TMEM131: variants seen among roughly 807,000 people sequenced by gnomAD.
The protein encoded by TMEM131 is 2610524E03Rik.
In TMEM131, 66 loss-of-function variants were observed where a neutral mutation model predicts 211.6. The ratio of observed to expected loss-of-function variants is 0.31; its 90% CI spans 0.26 to 0.38. The LOEUF is 0.38. Among genes scored for constraint, TMEM131 ranks in the 10% least tolerant of loss-of-function variants. The pLI, the probability that TMEM131 is intolerant of heterozygous loss-of-function variation, is 1.00. For synonymous variants in TMEM131, 844 were observed against 841.3 expected (o/e 1.00, Z -0.06); for missense variants, 2,036 against 2,299.3 (o/e 0.89, Z 2.34).
In TMEM131 at chr2:97,968,623, T is replaced by C. The variant is rs559438021; in HGVS notation, c.187+26853A>G. On this transcript the variant is annotated intron_variant, in intron 1 of 40. Transcript: ENST00000186436. The stretch of plus-strand genomic sequence containing the variant: ...ATGCCAAGCAGTGCTGACATGTTTG[T>C]AGGGAAGCCTGCACAAAGCAAGAGT... Among the ~76,000 whole-genome samples, 53 of 152,290 alleles carry C rather than the reference T, an allele frequency of 3.5e-4. 1 individual carries two copies. The highest frequency in any genetic ancestry group is 1.2e-3 in the African/African-American group (51 of 41,562).
intron 4 of TMEM131, among the ~76,000 whole-genome samples, chr2:97,868,077 T>TATTCGGA (rs1318438746): frequency 6.6e-6 from 1 of 152,238 alleles, no homozygotes; most frequent in East Asian, 1.9e-4. Flanking sequence ...TTGCTTCAAG[T>TATTCGGA]ATTCGGAAGC....
At chr2:97,807,079 T>C (rs1370607026) in intron 19 of TMEM131, among the ~76,000 whole-genome samples, 3 of 152,236 alleles carry the variant, frequency 2.0e-5, no homozygotes, top group Admixed American at 6.5e-5. Context: ...TATTAAGCTA[T>C]GAGTTACATG....
At chr2:97,888,772 G>A (rs1294034264) in intron 3 of TMEM131, among the ~76,000 whole-genome samples, 1 of 152,164 alleles carries the variant, frequency 6.6e-6, no homozygotes, top group Non-Finnish European at 1.5e-5. Context: ...AATGACTTTT[G>A]GTGGGGTAGG....
intron 2 of TMEM131, among the ~76,000 whole-genome samples, chr2:97,914,302 T>C (rs1434048160): frequency 2.0e-5 from 3 of 152,222 alleles, no homozygotes; most frequent in African/African-American, 4.8e-5. Context: ...CCCCACTGTA[T>C]CATTCTGCAA....
At chr2:97,969,580 T>C (rs1321690631) in intron 1 of TMEM131, among the ~76,000 whole-genome samples, 1 of 152,244 alleles carries the variant, frequency 6.6e-6, no homozygotes, top group Non-Finnish European at 1.5e-5. Context: ...CTAACATTTG[T>C]CTTCCCAGGC....
chr2:97,820,788 G>A (rs955441145), intron 11 of TMEM131, among the ~76,000 whole-genome samples: 6 of 151,882 alleles, frequency 4.0e-5, no homozygotes, highest in Admixed American at 2.6e-4. Context: ...TCCGGGAGGC[G>A]GAGGTTGTAG....
chr2:97,765,923 T>C (rs1011004424), intron 35 of TMEM131, among the ~76,000 whole-genome samples, 191 bp downstream of exon 35: 1 of 151,462 alleles, frequency 6.6e-6, no homozygotes, highest in African/African-American at 2.4e-5. Flanking sequence ...CTGATGTAAA[T>C]AATCTTACCA....
rs768743600 is a variant in TMEM131, at chr2:97,760,989, G to A, written c.4890-75C>T. On this transcript the variant is annotated intron_variant, in intron 36 of 40. Transcript: ENST00000186436. ...TCTCGGGGAGGTGTGGGGCTGGCAG[G>A]ACTGAGCCCTGAGTGGGCTTCTCTG... 7 of 1,580,698 alleles carry A rather than the reference G, an allele frequency of 4.4e-6. No homozygotes were observed. In the East Asian group the frequency reaches 1.6e-4, roughly 35 times the overall value.
At chr2:97,952,408 C>T (rs1559471009) in intron 1 of TMEM131, among the ~76,000 whole-genome samples, 2 of 152,096 alleles carry the variant, frequency 1.3e-5, no homozygotes, top group Non-Finnish European at 1.5e-5. Flanking sequence ...TATCAAGACA[C>T]ATCACAAACT....
At chr2:97,948,148 A>G (rs1238437253) in intron 1 of TMEM131, among the ~76,000 whole-genome samples, 3 of 152,190 alleles carry the variant, frequency 2.0e-5, no homozygotes, top group Non-Finnish European at 2.9e-5. Flanking sequence ...GTAGGATACA[A>G]AAAAGAAAAA....
intron 27 of TMEM131, 91 bp from the exon 28 acceptor site, chr2:97,796,495 T>C (rs1680771915): frequency 2.4e-6 from 2 of 822,774 alleles, no homozygotes; most frequent in Non-Finnish European, 3.7e-6. Context: ...AATTACTATA[T>C]GTCACAGGTT....
rs553989352 is a variant in TMEM131 at position 97,807,702 on chromosome 2, G to C, written c.2055+1986C>G. 2.6e-5 allele frequency among the ~76,000 whole-genome samples: 4 copies of C among 152,246 alleles called. No individual in the cohort carries two copies. In the South Asian group the frequency reaches 8.3e-4, roughly 32 times the overall value. On this transcript the variant is annotated intron_variant, in intron 19 of 40. Coordinates refer to ENST00000186436, the MANE Select transcript of TMEM131 (RefSeq NM_015348.2). ...TGCTTTCTCATTTATTCCACTCATG[G>C]GGCTTTTCACTGTGTCATCTGCTGT...
chr2:97,945,316 C>T (rs1408671772), intron 1 of TMEM131, among the ~76,000 whole-genome samples: 1 of 152,086 alleles, frequency 6.6e-6, no homozygotes, highest in Non-Finnish European at 1.5e-5. Flanking sequence ...TAGGGTGTGA[C>T]TCCTATTGTA....
At chr2:97,994,127 A>G (rs1680380613) in intron 1 of TMEM131, among the ~76,000 whole-genome samples, 1 of 152,200 alleles carries the variant, frequency 6.6e-6, no homozygotes, top group Admixed American at 6.5e-5. Context: ...TTTTGGGTTC[A>G]CTGAACACCC....
chr2:97,797,279 GTTAGA>G, intron 26 of TMEM131, 81 bp downstream of exon 26: 1 of 1,266,836 alleles, frequency 7.9e-7, no homozygotes, highest in Non-Finnish European at 1.1e-6. Flanking sequence ...TATTTCATAA[GTTAGA>G]CATGCAAATT....
At chr2:97,918,255 T>G (rs537192586) in intron 2 of TMEM131, among the ~76,000 whole-genome samples, 29 of 152,200 alleles carry the variant, frequency 1.9e-4, no homozygotes, top group African/African-American at 7.0e-4. Flanking sequence ...ACATGGTTGG[T>G]TTTTCTGATG....
intron 31 of TMEM131, among the ~76,000 whole-genome samples, chr2:97,784,456 A>G (rs1381694734): frequency 6.6e-6 from 1 of 152,140 alleles, no homozygotes; most frequent in East Asian, 1.9e-4. Context: ...AAAGATAGGA[A>G]AAGTCTCCAA....
In TMEM131 at chr2:97,797,402, C is replaced by G; in HGVS notation, c.2833G>C (p.Val945Leu). 1 of 1,611,650 alleles carries G rather than the reference C, an allele frequency of 6.2e-7. No individual in the cohort carries two copies. ...AGTGAAGAAACAGTTCTGTTGTGAA[C>G]TGGAGTAAACTTTACTTTGACAGAT... ...KKSVKVKFTP[V>L]HNRTVSSLII... The change falls in exon 26 of 41, where the codon GTT becomes CTT. Residue 945 changes from valine to leucine, a missense_variant. Val to Leu is a conservative substitution (Grantham distance 32). Transcript: ENST00000186436.
At chr2:97,780,500 T>C (rs898403175) in intron 31 of TMEM131, among the ~76,000 whole-genome samples, 6 of 152,144 alleles carry the variant, frequency 3.9e-5, no homozygotes, top group African/African-American at 1.4e-4. Flanking sequence ...TTTGAAACAT[T>C]TTTAAAGCTT....
Sources: gnomAD v4.1 joint callset for allele counts (sites outside exome capture counted in the v4.1 genomes callset) on GRCh38, gnomAD v4.1.1 for gene constraint, MANE v1.5 for transcripts, NCBI Gene and HGNC (gene_info 2026-07-23, HGNC 2026-07-21) for gene names.